The following PCED1B variants were observed in gnomAD, a reference collection of about 807,000 sequenced individuals.
PCED1B encodes PC-esterase domain containing 1B.
For synonymous variants in PCED1B, 251 were observed against 246.1 expected, an observed-to-expected ratio of 1.02 and a Z score of -0.19; for missense variants, 573 against 573.9, an observed-to-expected ratio of 1.00 and a Z score of 0.02.
intron 1 of PCED1B, among the ~76,000 whole-genome samples, chr12:47,098,811 A>C (rs1284856804): frequency 1.3e-5 from 2 of 152,168 alleles, no homozygotes; most frequent in Non-Finnish European, 2.9e-5. Context: ...AAAGAGACTC[A>C]AAAGAGAGAG....
At chr12:47,089,721 C>A (rs1399489428) in intron 1 of PCED1B, among the ~76,000 whole-genome samples, 1 of 151,802 alleles carries the variant, frequency 6.6e-6, no homozygotes, top group Non-Finnish European at 1.5e-5. Context: ...TTTAGATGGG[C>A]TGGATAAGAC....
intron 2 of PCED1B, among the ~76,000 whole-genome samples, chr12:47,171,743 A>C (rs1381645764): frequency 6.6e-6 from 1 of 152,134 alleles, no homozygotes; most frequent in African/African-American, 2.4e-5. Context: ...AGTAATTTTT[A>C]TTAGCTCCTG....
chr12:47,088,117 G>A (rs1182885936), intron 1 of PCED1B, among the ~76,000 whole-genome samples: 1 of 152,238 alleles, frequency 6.6e-6, no homozygotes, highest in Admixed American at 6.5e-5. Flanking sequence ...AGTTGACTGA[G>A]ATGAAACATG....
intron 2 of PCED1B, among the ~76,000 whole-genome samples, chr12:47,202,326 C>T (rs1942787148): frequency 6.6e-6 from 1 of 151,972 alleles, no homozygotes; most frequent in Non-Finnish European, 1.5e-5. Flanking sequence ...AAGATGATAC[C>T]GCATTGCAGA....
chr12:47,141,250 G>A (rs759215040), intron 2 of PCED1B, among the ~76,000 whole-genome samples: 2 of 151,566 alleles, frequency 1.3e-5, no homozygotes, highest in African/African-American at 2.4e-5. Context: ...GAACTTGGTA[G>A]CCATCCATGG....
intron 1 of PCED1B, among the ~76,000 whole-genome samples, chr12:47,094,253 C>A (rs914287640): frequency 7.2e-5 from 11 of 152,120 alleles, no homozygotes; most frequent in African/African-American, 2.7e-4. Flanking sequence ...AGCTAGACAG[C>A]TTTAGGAGCA....
chr12:47,142,633 C>A (rs2137414230), intron 2 of PCED1B, among the ~76,000 whole-genome samples: 1 of 151,272 alleles, frequency 6.6e-6, no homozygotes, highest in Admixed American at 6.6e-5. Flanking sequence ...TAGAAAAGAA[C>A]CAAACAAAAT....
chr12:47,118,265 C>T (rs537949940), intron 2 of PCED1B, among the ~76,000 whole-genome samples: 101 of 152,270 alleles, frequency 6.6e-4, no homozygotes, highest in African/African-American at 2.3e-3. Context: ...AGTCCTTGCC[C>T]ATGCCTATGT....
chr12:47,158,061 A>T (rs939538478), intron 2 of PCED1B, among the ~76,000 whole-genome samples: 2 of 152,182 alleles, frequency 1.3e-5, no homozygotes. Flanking sequence ...ATATTTGTTG[A>T]TGAATAATAG....
At chr12:47,188,272 G>C (rs771441198) in intron 2 of PCED1B, among the ~76,000 whole-genome samples, 2 of 152,130 alleles carry the variant, frequency 1.3e-5, no homozygotes, top group African/African-American at 4.8e-5. Context: ...CTAATCTCAG[G>C]GGGGAATAGA....
At chr12:47,215,479 C>G (rs1018841629) in intron 2 of PCED1B, among the ~76,000 whole-genome samples, 19 of 151,998 alleles carry the variant, frequency 1.3e-4, no homozygotes, top group African/African-American at 4.6e-4. Flanking sequence ...GTCTCGAACT[C>G]CTGACCTCAG....
intron 2 of PCED1B, among the ~76,000 whole-genome samples, chr12:47,183,647 C>A (rs563478933): frequency 3.2e-4 from 48 of 152,092 alleles, no homozygotes; most frequent in Non-Finnish European, 6.3e-4. Context: ...GAACACAGTA[C>A]AGTAGACTGT....
chr12:47,159,429 A>T (rs1431462569), intron 2 of PCED1B, among the ~76,000 whole-genome samples: 2 of 152,062 alleles, frequency 1.3e-5, no homozygotes, highest in Non-Finnish European at 2.9e-5. Flanking sequence ...GTCTTTTGAT[A>T]ATAACTATTC....
intron 2 of PCED1B, among the ~76,000 whole-genome samples, chr12:47,128,436 G>A (rs953889239): frequency 2.6e-5 from 4 of 152,108 alleles, no homozygotes; most frequent in African/African-American, 9.7e-5. Flanking sequence ...AACCCATGAG[G>A]TACCTCAGCT....
intron 2 of PCED1B, among the ~76,000 whole-genome samples, chr12:47,119,626 G>C (rs1380480301): frequency 4.6e-5 from 7 of 151,970 alleles, no homozygotes; most frequent in African/African-American, 1.5e-4. Context: ...GGGAGACAGT[G>C]TTTGCAATCT....
chr12:47,126,097 A>T (rs982090517), intron 2 of PCED1B, among the ~76,000 whole-genome samples: 1 of 152,076 alleles, frequency 6.6e-6, no homozygotes, highest in Admixed American at 6.6e-5. Context: ...CAAAGAAAAC[A>T]TTCAGTCTGC....
At chr12:47,192,497 G>C (rs1554693) in intron 2 of PCED1B, among the ~76,000 whole-genome samples, 1 of 151,938 alleles carries the variant, frequency 6.6e-6, no homozygotes, top group African/African-American at 2.4e-5. Context: ...CTTTCCTTTG[G>C]GAAAAGTCAC....
intron 2 of PCED1B, among the ~76,000 whole-genome samples, chr12:47,211,552 G>A (rs923614148): frequency 2.0e-5 from 3 of 151,022 alleles, no homozygotes; most frequent in Admixed American, 6.6e-5. Context: ...TACTCAGGAG[G>A]CTGAGGCAGG....
chr12:47,129,429 C>T (rs1940026277), intron 2 of PCED1B, among the ~76,000 whole-genome samples: 1 of 152,052 alleles, frequency 6.6e-6, no homozygotes, highest in Non-Finnish European at 1.5e-5. Context: ...GCAGAGGTTG[C>T]AGTGAGCCAT....
Sources: allele counts gnomAD v4.1 joint callset (sites outside exome capture counted in the v4.1 genomes callset), GRCh38; gene constraint gnomAD v4.1.1; transcripts MANE v1.5; gene names NCBI Gene and HGNC (gene_info 2026-07-23, HGNC 2026-07-21).